The following SEC14L5 variants were observed in gnomAD, a reference collection of about 807,000 sequenced individuals.
The protein encoded by SEC14L5 is SEC14 like lipid binding 5.
SEC14L5 carries 96 observed loss-of-function variants against 84.6 expected under a neutral mutation model. The observed-to-expected ratio is 1.13, with a 90% CI of 0.96 to 1.34. The LOEUF is 1.34. Ranked by LOEUF, SEC14L5 falls within the 40% of genes most tolerant of loss-of-function variation. SEC14L5 has a pLI of 0.00. For missense variants in SEC14L5, 1,224 were observed against 942.5 expected, an observed-to-expected ratio of 1.30 and a Z score of -3.91; for synonymous variants, 546 against 383.4, an observed-to-expected ratio of 1.42 and a Z score of -4.95.
At chr16:4,990,709 G>T (rs1955542970) in intron 4 of SEC14L5, 58 bp from the exon 5 acceptor site, 2 of 1,536,984 alleles carry the variant, frequency 1.3e-6, no homozygotes, top group Non-Finnish European at 1.8e-6. Flanking sequence ...AGAGCCCTAG[G>T]GGAGGGCAGG....
intron 2 of SEC14L5, among the ~76,000 whole-genome samples, chr16:4,968,470 C>T (rs934592834): frequency 3.3e-5 from 5 of 152,190 alleles, no homozygotes; most frequent in Non-Finnish European, 7.3e-5. Context: ...TGGGCCACGG[C>T]GCCCGGCCGC....
chr16:4,994,748 C>G (rs989689269), intron 6 of SEC14L5, among the ~76,000 whole-genome samples: 1 of 151,796 alleles, frequency 6.6e-6, no homozygotes, highest in Admixed American at 6.6e-5. Context: ...GTGGCCTGGT[C>G]CCCTGTACCT....
intron 2 of SEC14L5, 83 bp from the exon 3 acceptor site, chr16:4,987,474 C>A: frequency 8.2e-7 from 1 of 1,215,916 alleles, no homozygotes; most frequent in South Asian, 1.5e-5. Context: ...TGATAAGTGA[C>A]ACAGCAGATA....
intron 2 of SEC14L5, among the ~76,000 whole-genome samples, chr16:4,962,012 C>G (rs897101245): frequency 1.3e-5 from 2 of 151,884 alleles, no homozygotes; most frequent in Non-Finnish European, 2.9e-5. Context: ...CACTTTTCAT[C>G]TTCATGACAA....
intron 2 of SEC14L5, among the ~76,000 whole-genome samples, chr16:4,972,474 A>G (rs1168452275): frequency 6.6e-6 from 1 of 152,116 alleles, no homozygotes; most frequent in Non-Finnish European, 1.5e-5. Flanking sequence ...GTACCCATGA[A>G]ACACTAACTC....
intron 2 of SEC14L5, among the ~76,000 whole-genome samples, chr16:4,969,977 T>TCC (rs1955255373): frequency 3.3e-5 from 5 of 151,456 alleles, no homozygotes; most frequent in Non-Finnish European, 7.4e-5. Flanking sequence ...ACAACCATGC[T>TCC]AGGCTAATGT....
intron 2 of SEC14L5, among the ~76,000 whole-genome samples, chr16:4,982,039 G>A (rs1043536936): frequency 6.6e-6 from 1 of 152,278 alleles, no homozygotes; most frequent in East Asian, 1.9e-4. Context: ...TTCTCTGGGG[G>A]AACGAGGCCT....
chr16:4,984,718 G>A (rs1490345383), intron 2 of SEC14L5, among the ~76,000 whole-genome samples: 1 of 152,190 alleles, frequency 6.6e-6, no homozygotes, highest in African/African-American at 2.4e-5. Flanking sequence ...TCTTTTAAAA[G>A]TTATTATAGT....
At chr16:4,982,885 C>G (rs567574213) in intron 2 of SEC14L5, among the ~76,000 whole-genome samples, 1 of 152,070 alleles carries the variant, frequency 6.6e-6, no homozygotes, top group East Asian at 1.9e-4. Flanking sequence ...GTGAGACCCT[C>G]TAATGGCTCA....
In SEC14L5 at chr16:4,990,906, G is replaced by T; in HGVS notation, c.474+11G>T. 1 of 1,560,958 alleles carries T rather than the reference G, an allele frequency of 6.4e-7. No individual in the cohort carries two copies. Among genetic ancestry groups the T allele is most frequent in the Non-Finnish European group, 8.7e-7 (1 of 1,152,944 alleles). ...GCCAACGTCAAGAGGGTAAGCGGTG[G>T]GTTGCGTTAGTTACTGGAGGAAGGT... is the stretch of plus-strand genomic sequence containing the variant. On this transcript the variant is annotated intron_variant, in intron 5 of 15. Transcript: ENST00000251170.
In SEC14L5 at chr16:4,959,389, GA is replaced by G; in HGVS notation, c.63+4del. ...ACCCGTTTGAGCTGGTCATGGCGGTGAGTGACTCCTGATTCTTGGGCCCCCA... is the reference window on the plus strand; with the variant it reads ...ACCCGTTTGAGCTGGTCATGGCGGTGGTGACTCCTGATTCTTGGGCCCCCA... On this transcript the variant is annotated splice_donor_region_variant and intron_variant, in intron 2 of 15. Transcript: ENST00000251170. 2 of 1,613,382 alleles carry G rather than the reference GA, an allele frequency of 1.2e-6. No individual in the cohort carries two copies. The highest frequency in any genetic ancestry group is 1.7e-6 in the Non-Finnish European group (2 of 1,179,346).
In SEC14L5 at chr16:5,019,077, T is replaced by A. The variant is rs1350983500; in HGVS notation, c.*4107T>A. On this transcript the variant is annotated 3_prime_UTR_variant, in exon 16 of 16. Coordinates refer to ENST00000251170, the MANE Select transcript of SEC14L5 (RefSeq NM_014692.2). ...GACTTTAGAGCTAGCTTGTTCAGCC[T>A]GTGGCCTGCAGGCTGCACGCGGCCC... 1 of 152,282 alleles carries A rather than the reference T, an allele frequency of 6.6e-6. No individual in the cohort carries two copies. Among genetic ancestry groups the A allele is most frequent in the African/African-American group, 2.4e-5 (1 of 41,474 alleles). 9.4% of individuals were successfully genotyped at this position (152,282 alleles called of 1,614,324 possible).
In SEC14L5 at chr16:5,014,942, C is replaced by G. The variant is rs202181394; in HGVS notation, c.2063C>G (p.Ser688Cys). 6 of 1,611,936 alleles carry G rather than the reference C, an allele frequency of 3.7e-6. No individual in the cohort carries two copies. In the African/African-American group the frequency reaches 6.7e-5, roughly 18 times the overall value. The change falls in exon 16 of 16, where the codon TCT becomes TGT. Residue 688 changes from serine (S) to cysteine (C), a missense_variant. Transcript: ENST00000251170. ...ACCTCGTCCTCCTCCTCCGGCCAGT[C>G]TCATAGCAGCTCCCTGGTCTCCAGA... ...AATSSSSSGQSHSSSLVSR is the reference protein window; with the variant it reads ...AATSSSSSGQCHSSSLVSR
At chr16:5,001,081 G>A (rs547718449) in intron 10 of SEC14L5, among the ~76,000 whole-genome samples, 156 bp downstream of exon 10, 7 of 152,176 alleles carry the variant, frequency 4.6e-5, no homozygotes, top group East Asian at 3.9e-4. Flanking sequence ...GGCAGGGCCC[G>A]TAAGCATCCC....
rs1487482188 is a variant in SEC14L5 at position 5,008,530 on chromosome 16, G to A, written c.1682G>A (p.Gly561Asp). ...LYHTKQAPRL[G>D]AREPGTRASG... is the part of the protein sequence containing the mutation. Reference sequence around the variant, plus strand: ...CACACCAAGCAGGCGCCCAGGCTGGGCGCCCGGGAACCGGGGACCAGGGCC... The same window carrying A: ...CACACCAAGCAGGCGCCCAGGCTGGACGCCCGGGAACCGGGGACCAGGGCC... The change falls in exon 14 of 16, where the codon GGC (glycine) becomes GAC (aspartate). Residue 561 changes from glycine to aspartate, a missense_variant. By Grantham distance (94) the Gly-to-Asp change is moderately conservative. Coordinates refer to ENST00000251170, the MANE Select transcript of SEC14L5 (RefSeq NM_014692.2). 3.1e-6 allele frequency: 5 copies of A among 1,609,522 alleles called. No homozygotes were observed. The East Asian group carries it at 6.7e-5, about 22-fold the overall frequency.
At chr16:4,994,085 T>C (rs1955581625) in intron 6 of SEC14L5, among the ~76,000 whole-genome samples, 1 of 152,198 alleles carries the variant, frequency 6.6e-6, no homozygotes, top group Admixed American at 6.5e-5. Context: ...AACTAGCCTT[T>C]TGTCACAGTT....
intron 10 of SEC14L5, among the ~76,000 whole-genome samples, chr16:5,002,368 C>G (rs1955686515): frequency 6.9e-6 from 1 of 145,456 alleles, no homozygotes; most frequent in South Asian, 2.2e-4. Context: ...GCAATCTTGG[C>G]TCACTCCAAC....
chr16:4,988,005 G>A, intron 3 of SEC14L5, 144 bp from the exon 4 acceptor site: 1 of 887,764 alleles, frequency 1.1e-6, no homozygotes. Flanking sequence ...TTGGTGTCCT[G>A]GGTCCGGGCT....
chr16:4,959,736 C>G (rs1010137126), intron 2 of SEC14L5, among the ~76,000 whole-genome samples: 2 of 152,168 alleles, frequency 1.3e-5, no homozygotes, highest in Non-Finnish European at 2.9e-5. Flanking sequence ...GTGATAATGA[C>G]AACAGCTGTT....
Sources: gnomAD v4.1 joint callset for allele counts (sites outside exome capture counted in the v4.1 genomes callset) on GRCh38, gnomAD v4.1.1 for gene constraint, MANE v1.5 for transcripts, NCBI Gene and HGNC (gene_info 2026-07-23, HGNC 2026-07-21) for gene names.